The following CSF2RA variants were observed in gnomAD, a reference collection of about 807,000 sequenced individuals.
CSF2RA encodes granulocyte-macrophage colony-stimulating factor receptor subunit alpha.
Under a neutral mutation model 51.6 loss-of-function variants are expected in CSF2RA, and 42 were observed. That is an observed-to-expected ratio of 0.81 (90% CI 0.64 to 1.05). CSF2RA has a LOEUF of 1.05. CSF2RA is among the 50% of genes least tolerant of loss of function. The pLI, the probability that CSF2RA is intolerant of heterozygous loss-of-function variation, is 0.00. For synonymous variants in CSF2RA, 222 were observed against 193.0 expected (o/e 1.15, Z -1.24); for missense variants, 530 against 501.1 (o/e 1.06, Z -0.55).
chrX:1,322,253 C>CATA, the CSF2RA span, among the ~76,000 whole-genome samples: 1 of 147,360 alleles, frequency 6.8e-6, no homozygotes, highest in Non-Finnish European at 1.5e-5. Flanking sequence ...CGACAGGTGC[C>CATA]CGCCACGTCA....
chrX:1,303,419 T>TA, intron 10 of CSF2RA: 2 of 407,662 alleles, frequency 4.9e-6, no homozygotes, highest in Non-Finnish European at 4.3e-6. Context: ...ATTTTTTTTT[T>TA]AGCAGAGATG....
At chrX:1,275,910 C>G (rs2089132451) in intron 2 of CSF2RA, among the ~76,000 whole-genome samples, 1 of 151,848 alleles carries the variant, frequency 6.6e-6, no homozygotes, top group African/African-American at 2.4e-5. Context: ...CCAGGCTGGT[C>G]TCAAACTTGT....
intron 2 of CSF2RA, among the ~76,000 whole-genome samples, chrX:1,277,900 T>C (rs1184762073): frequency 1.4e-5 from 2 of 146,114 alleles, no homozygotes; most frequent in Non-Finnish European, 3.0e-5. Flanking sequence ...TTGCTTCAAC[T>C]TGGGAGACGG....
At chrX:1,306,509 T>G (rs1370351770) in intron 12 of CSF2RA, among the ~76,000 whole-genome samples, 3 of 151,460 alleles carry the variant, frequency 2.0e-5, no homozygotes, top group African/African-American at 7.3e-5. Context: ...TAGCCAGGTG[T>G]GGTGGCGCAC....
intron 7 of CSF2RA, chrX:1,293,915 T>C: frequency 1.1e-5 from 3 of 281,778 alleles, no homozygotes; most frequent in Non-Finnish European, 7.0e-6. Flanking sequence ...GAGAAGACTC[T>C]GCCCCATCTC....
the CSF2RA span, among the ~76,000 whole-genome samples, chrX:1,317,433 T>C: frequency 6.8e-6 from 1 of 147,948 alleles, no homozygotes; most frequent in Non-Finnish European, 1.5e-5. Context: ...GTATTTTTAG[T>C]AGAGACGGGC....
At chrX:1,286,483 T>C (rs1420238766) in intron 4 of CSF2RA, among the ~76,000 whole-genome samples, 1 of 151,414 alleles carries the variant, frequency 6.6e-6, no homozygotes, top group South Asian at 2.1e-4. Flanking sequence ...GCAGGAGAAT[T>C]ACTGAAACTC....
At chrX:1,274,906 A>T (rs28713332) in intron 2 of CSF2RA, 88 bp downstream of exon 2, 1 of 450,356 alleles carries the variant, frequency 2.2e-6, no homozygotes, top group Non-Finnish European at 4.5e-6. Context: ...GTTTTGCTCC[A>T]TAATGATGAA....
intron 1 of CSF2RA, among the ~76,000 whole-genome samples, chrX:1,274,554 G>A (rs1303487269): frequency 2.3e-4 from 34 of 148,566 alleles, no homozygotes; most frequent in Middle Eastern, 3.7e-3. Context: ...CGAACTCCTG[G>A]CCTCAAATGA....
chrX:1,270,387 T>C (rs2088217777), intron 1 of CSF2RA, among the ~76,000 whole-genome samples: 1 of 151,894 alleles, frequency 6.6e-6, no homozygotes, highest in African/African-American at 2.4e-5. Context: ...CAAAGGCAAA[T>C]GCCACCATTC....
chrX:1,272,839 G>T (rs1235128933), intron 1 of CSF2RA, among the ~76,000 whole-genome samples: 7 of 116,544 alleles, frequency 6.0e-5, no homozygotes, highest in Admixed American at 1.0e-4. Flanking sequence ...TTTTTTTTTA[G>T]ATGGAGTCTA....
intron 2 of CSF2RA, among the ~76,000 whole-genome samples, chrX:1,281,511 C>T (rs1264785081): frequency 4.0e-5 from 6 of 148,336 alleles, no homozygotes; most frequent in Non-Finnish European, 9.0e-5. Flanking sequence ...ACTCCTCCTT[C>T]TCTTCCTTCT....
chrX:1,324,772 C>G, the CSF2RA span, among the ~76,000 whole-genome samples: 1 of 152,042 alleles, frequency 6.6e-6, no homozygotes, highest in African/African-American at 2.4e-5. Flanking sequence ...AAGATGTGGA[C>G]GCACGCAGGG....
chrX:1,288,571 G>T lies in CSF2RA; in HGVS notation c.272G>T (p.Gly91Val). Residue 91 changes from glycine (G) to valine (V), a missense_variant, in exon 5 of 13, where the codon GGA (glycine) becomes GTA (valine). Transcript: ENST00000381529. The part of the protein sequence containing the change: ...CTFREICLHE[G>V]VTFEVHVNTS... ...TTTCGTGAAATTTGTCTGCATGAAG[G>T]AGTCACATTTGAGGTTCACGTGAAT... 2 of 1,613,920 alleles carry T rather than the reference G, an allele frequency of 1.2e-6. No homozygotes were observed.
chrX:1,274,156 A>G (rs1324967729), intron 1 of CSF2RA, among the ~76,000 whole-genome samples: 2 of 152,058 alleles, frequency 1.3e-5, no homozygotes, highest in Admixed American at 6.6e-5. Flanking sequence ...CGTGAGTGCA[A>G]AATGTCCTGT....
At chrX:1,295,002 G>C (rs2091795924) in intron 8 of CSF2RA, among the ~76,000 whole-genome samples, 1 of 148,382 alleles carries the variant, frequency 6.7e-6, no homozygotes, top group South Asian at 2.1e-4. Context: ...GTGTAGACAA[G>C]AGGAGATCTT....
intron 9 of CSF2RA, among the ~76,000 whole-genome samples, chrX:1,295,962 C>A (rs1166679881): frequency 2.0e-5 from 3 of 151,220 alleles, no homozygotes; most frequent in Non-Finnish European, 4.4e-5. Context: ...TCTAGTGTAA[C>A]TCTACAGTCC....
At chrX:1,290,127 A>T (rs112869138) in intron 6 of CSF2RA, among the ~76,000 whole-genome samples, 838 of 33,518 alleles carry the variant, frequency 0.025, no homozygotes, top group Middle Eastern at 0.071. Context: ...TTGTGTTTTT[A>T]TGTTTTGTTT....
chrX:1,300,911 T>G (rs2092322506), intron 10 of CSF2RA, among the ~76,000 whole-genome samples: 1 of 152,034 alleles, frequency 6.6e-6, no homozygotes, highest in Non-Finnish European at 1.5e-5. Flanking sequence ...CCCAGCAATT[T>G]GGGAGGCTGA....
Sources: gnomAD v4.1 joint callset for allele counts (sites outside exome capture counted in the v4.1 genomes callset) on GRCh38, gnomAD v4.1.1 for gene constraint, MANE v1.5 for transcripts, NCBI Gene and HGNC (gene_info 2026-07-23, HGNC 2026-07-21) for gene names.